The following ANKH variants were observed in gnomAD, a reference collection of about 807,000 sequenced individuals.
ANKH encodes the protein ANKH inorganic pyrophosphate transport regulator, also known as mineralization regulator ANKH.
ANKH carries 15 observed loss-of-function variants against 49.0 expected under a neutral mutation model. The observed-to-expected ratio is 0.31, with a 90% CI of 0.20 to 0.47. The LOEUF is 0.47. Ranked by LOEUF, ANKH falls within the 20% of genes least tolerant of loss-of-function variation. The pLI, the probability that ANKH is intolerant of heterozygous loss-of-function variation, is 1.00. For missense variants in ANKH, 429 were observed against 652.0 expected (o/e 0.66, Z 3.72); for synonymous variants, 273 against 260.0 (o/e 1.05, Z -0.48).
At chr5:14,809,994 T>C (rs933658641) in intron 1 of ANKH, among the ~76,000 whole-genome samples, 3 of 152,042 alleles carry the variant, frequency 2.0e-5, no homozygotes, top group Admixed American at 6.5e-5. Flanking sequence ...ACGGACTCTG[T>C]TTGTGTTCCC....
intron 1 of ANKH, among the ~76,000 whole-genome samples, chr5:14,858,577 A>G (rs572678396): frequency 5.3e-5 from 8 of 152,130 alleles, no homozygotes; most frequent in South Asian, 4.2e-4. Flanking sequence ...TTAGCCAGGC[A>G]TGGTGGGTAA....
intron 1 of ANKH, among the ~76,000 whole-genome samples, chr5:14,863,659 C>T (rs924345448): frequency 6.6e-6 from 1 of 151,914 alleles, no homozygotes; most frequent in African/African-American, 2.4e-5. Context: ...TCAAAAAATA[C>T]CTGATTTTTT....
intron 1 of ANKH, among the ~76,000 whole-genome samples, chr5:14,843,931 C>A (rs896990348): frequency 3.3e-5 from 5 of 152,130 alleles, no homozygotes; most frequent in African/African-American, 1.2e-4. Flanking sequence ...CTGTAGAAAC[C>A]AGGATATCAT....
intron 1 of ANKH, among the ~76,000 whole-genome samples, chr5:14,851,238 T>A (rs1046573841): frequency 6.6e-6 from 1 of 152,336 alleles, no homozygotes; most frequent in African/African-American, 2.4e-5. Flanking sequence ...GATCCCAGGC[T>A]ATCTGCGGCT....
chr5:14,712,853 C>G (rs1225413464), intron 11 of ANKH, 21 bp downstream of exon 11: 8 of 1,582,806 alleles, frequency 5.1e-6, no homozygotes, highest in Admixed American at 3.6e-5. Context: ...CGGGAGGAGG[C>G]TCCCGGCGCG....
intron 1 of ANKH, among the ~76,000 whole-genome samples, chr5:14,773,484 A>G (rs1445838067): frequency 6.7e-6 from 1 of 149,240 alleles, no homozygotes; most frequent in Non-Finnish European, 1.5e-5. Context: ...GCAGGTGGGA[A>G]GAGAGAGGGC....
chr5:14,811,045 T>C (rs1354118532), intron 1 of ANKH, among the ~76,000 whole-genome samples: 1 of 152,150 alleles, frequency 6.6e-6, no homozygotes, highest in African/African-American at 2.4e-5. Context: ...AGATAAATCA[T>C]GGTCCTGCAA....
At chr5:14,799,751 G>C (rs1389360047) in intron 1 of ANKH, among the ~76,000 whole-genome samples, 3 of 152,170 alleles carry the variant, frequency 2.0e-5, no homozygotes, top group Non-Finnish European at 4.4e-5. Flanking sequence ...AATGCACCTG[G>C]TCACCGAAGA....
intron 1 of ANKH, among the ~76,000 whole-genome samples, chr5:14,790,896 C>T (rs1439256647): frequency 6.6e-6 from 1 of 152,186 alleles, no homozygotes; most frequent in African/African-American, 2.4e-5. Flanking sequence ...AGGTATAAGC[C>T]ACTATGCCCA....
chr5:14,858,258 C>G (rs560851297), intron 1 of ANKH, among the ~76,000 whole-genome samples: 2 of 152,100 alleles, frequency 1.3e-5, no homozygotes, highest in Admixed American at 6.5e-5. Context: ...ATCCCTCACC[C>G]GCCTCCCACC....
chr5:14,850,013 C>T (rs866090083), intron 1 of ANKH, among the ~76,000 whole-genome samples: 2 of 152,180 alleles, frequency 1.3e-5, no homozygotes, highest in African/African-American at 2.4e-5. Flanking sequence ...ACCCTGACCT[C>T]GTTCCTTCAG....
At chr5:14,830,895 G>A (rs1200681778) in intron 1 of ANKH, among the ~76,000 whole-genome samples, 4 of 152,214 alleles carry the variant, frequency 2.6e-5, no homozygotes, top group Non-Finnish European at 5.9e-5. Context: ...AGGACTGAGG[G>A]TCACAGCCCA....
intron 7 of ANKH, among the ~76,000 whole-genome samples, chr5:14,742,735 G>A (rs1239142562): frequency 2.0e-5 from 3 of 152,174 alleles, no homozygotes; most frequent in African/African-American, 4.8e-5. Flanking sequence ...CAACATCTGC[G>A]TAGAAAAGAT....
chr5:14,739,637 G>A (rs913137546), intron 8 of ANKH, among the ~76,000 whole-genome samples: 15 of 152,204 alleles, frequency 9.9e-5, no homozygotes, highest in Admixed American at 8.5e-4. Flanking sequence ...GGAGGCCTAA[G>A]GGCCAATATT....
intron 1 of ANKH, among the ~76,000 whole-genome samples, chr5:14,789,947 C>T (rs559240330): frequency 3.3e-5 from 5 of 152,118 alleles, no homozygotes; most frequent in Admixed American, 6.5e-5. Context: ...TGGGCTCAAG[C>T]GATCTACCCG....
At position 14,797,004 on chromosome 5, in the gene ANKH, G is replaced by A. The variant is rs925134680; in HGVS notation, c.97-27813C>T. 151 of 1,138,064 alleles carry A rather than the reference G, an allele frequency of 1.3e-4. 1 individual carries two copies. The highest frequency in any genetic ancestry group is 1.3e-3 in the Middle Eastern group (4 of 3,040). 70.5% of individuals were successfully genotyped at this position (1,138,064 alleles called of 1,614,324 possible). A position where few individuals can be genotyped will look rare whatever the true frequency, so the allele number is the denominator to read the frequency against. On this transcript the variant is annotated intron_variant, in intron 1 of 11. Transcript: ENST00000284268. ...ACTGTTTGGGCTAATAGCATTATCG[G>A]TGGTACCTATTATATAGAGGGATAG...
At chr5:14,836,790 A>C (rs1326406287) in intron 1 of ANKH, among the ~76,000 whole-genome samples, 2 of 152,196 alleles carry the variant, frequency 1.3e-5, no homozygotes, top group African/African-American at 4.8e-5. Flanking sequence ...TATGGAACCA[A>C]AAAAGAGCCC....
intron 8 of ANKH, among the ~76,000 whole-genome samples, chr5:14,718,584 G>A (rs1296479626): frequency 6.6e-6 from 1 of 152,200 alleles, no homozygotes; most frequent in Admixed American, 6.5e-5. Flanking sequence ...GCTGAGGCGG[G>A]CGGATGACCT....
At chr5:14,858,672 G>C (rs1395928581) in intron 1 of ANKH, among the ~76,000 whole-genome samples, 2 of 150,260 alleles carry the variant, frequency 1.3e-5, no homozygotes, top group African/African-American at 2.4e-5. Context: ...GCCGAGATCG[G>C]GCCACTGCAC....
Sources: gnomAD v4.1 joint callset for allele counts (sites outside exome capture counted in the v4.1 genomes callset) on GRCh38, gnomAD v4.1.1 for gene constraint, MANE v1.5 for transcripts, NCBI Gene and HGNC (gene_info 2026-07-23, HGNC 2026-07-21) for gene names.